CNTN4: variants seen among roughly 807,000 people sequenced by gnomAD.
CNTN4 encodes contactin-4.
CNTN4 carries 77 observed loss-of-function variants against 122.5 expected under a neutral mutation model. The ratio of observed to expected loss-of-function variants is 0.63; its 90% CI spans 0.52 to 0.76. The LOEUF (loss-of-function observed/expected upper bound fraction) is 0.76. CNTN4 is among the 30% of genes least tolerant of loss of function. CNTN4 has a pLI of 0.00. For missense variants in CNTN4, 1,256 were observed against 1,259.1 expected, an observed-to-expected ratio of 1.00 and a Z score of 0.04; for synonymous variants, 512 against 447.0, an observed-to-expected ratio of 1.15 and a Z score of -1.83.
Position 3,026,037 on chromosome 3 carries a change from T to C in CNTN4, c.1487-65T>C. 9 of 1,463,628 alleles carry C rather than the reference T, an allele frequency of 6.1e-6. No individual in the cohort carries two copies. In the South Asian group the frequency reaches 8.1e-5, roughly 13 times the overall value. The allele number at this position is 1,463,628 out of a possible 1,614,324, so 90.7% of individuals were successfully genotyped here. ...TTTCATCCTGCTCTTGGAGTCTACA[T>C]TGTATTTCCACACAAGCTCACAGAC... On this transcript the variant is annotated intron_variant, in intron 14 of 24. Coordinates refer to ENST00000418658, the MANE Select transcript of CNTN4 (RefSeq NM_175607.3).
Position 2,797,466 on chromosome 3 carries a change from TGG to T in CNTN4, c.359-22018_359-22017del, listed in dbSNP as rs1297120028. Among the ~76,000 whole-genome samples the T allele has an allele frequency of 4.6e-5, 7 of 152,188 alleles. No individual in the cohort carries two copies. The East Asian group carries it at 1.4e-3, about 30-fold the overall frequency. On this transcript the variant is annotated intron_variant, in intron 6 of 24. Coordinates refer to ENST00000418658, the MANE Select transcript of CNTN4 (RefSeq NM_175607.3). ...TACAAAGATTAGCCAGGTGTGGTGGTGGGCGCCTGTAATCCCAGCTACTCAGG... is the reference window on the plus strand; with the variant it reads ...TACAAAGATTAGCCAGGTGTGGTGGTGCGCCTGTAATCCCAGCTACTCAGG...
intron 4 of CNTN4, among the ~76,000 whole-genome samples, chr3:2,626,963 T>A (rs555605785): frequency 6.6e-6 from 1 of 152,346 alleles, no homozygotes; most frequent in East Asian, 1.9e-4. Context: ...TCTTAGTATT[T>A]TGTGTGTCCA....
At chr3:2,923,808 T>C (rs898301031) in intron 12 of CNTN4, among the ~76,000 whole-genome samples, 1 of 152,226 alleles carries the variant, frequency 6.6e-6, no homozygotes, top group Non-Finnish European at 1.5e-5. Context: ...TGATAATTAC[T>C]AGGATGGTTA....
intron 4 of CNTN4, among the ~76,000 whole-genome samples, chr3:2,690,272 G>T (rs1482605462): frequency 1.3e-5 from 2 of 152,084 alleles, no homozygotes; most frequent in Non-Finnish European, 2.9e-5. Context: ...CCCCTTTTGG[G>T]TACATGCATC....
chr3:2,477,251 C>T (rs774207089), intron 3 of CNTN4, among the ~76,000 whole-genome samples: 4 of 152,100 alleles, frequency 2.6e-5, no homozygotes, highest in African/African-American at 7.2e-5. Flanking sequence ...AGGATTCAGG[C>T]CAAAACTGAA....
At chr3:2,205,998 G>T (rs1161942050) in intron 2 of CNTN4, among the ~76,000 whole-genome samples, 2 of 152,040 alleles carry the variant, frequency 1.3e-5, no homozygotes, top group African/African-American at 4.8e-5. Flanking sequence ...ACTCGGAAGG[G>T]TATTCCAGTT....
At chr3:2,439,191 T>A (rs1447347768) in intron 3 of CNTN4, among the ~76,000 whole-genome samples, 1 of 152,198 alleles carries the variant, frequency 6.6e-6, no homozygotes, top group African/African-American at 2.4e-5. Context: ...ATTAGATGTT[T>A]CAAAGTGTGG....
chr3:2,164,884 A>C (rs1011400979), intron 2 of CNTN4, among the ~76,000 whole-genome samples: 3 of 152,234 alleles, frequency 2.0e-5, no homozygotes, highest in African/African-American at 7.2e-5. Flanking sequence ...AAAAGGAGGT[A>C]GTAGGAGGAG....
At chr3:2,136,434 T>C (rs1373580797) in intron 2 of CNTN4, among the ~76,000 whole-genome samples, 1 of 152,218 alleles carries the variant, frequency 6.6e-6, no homozygotes, top group Non-Finnish European at 1.5e-5. Flanking sequence ...GTAAGTGATA[T>C]AGCCAACTAA....
intron 3 of CNTN4, among the ~76,000 whole-genome samples, chr3:2,370,893 A>T (rs2045607517): frequency 6.6e-6 from 1 of 152,192 alleles, no homozygotes; most frequent in South Asian, 2.1e-4. Context: ...AGACCCAATC[A>T]ATCTATTGAT....
chr3:2,724,088 A>C (rs999889223), intron 4 of CNTN4, among the ~76,000 whole-genome samples: 12 of 152,194 alleles, frequency 7.9e-5, no homozygotes, highest in Admixed American at 1.3e-4. Context: ...CATAGGGGTT[A>C]TCTTTTGAGG....
At chr3:2,256,485 CA>C (rs1553610302) in intron 2 of CNTN4, among the ~76,000 whole-genome samples, 1 of 152,012 alleles carries the variant, frequency 6.6e-6, no homozygotes, top group South Asian at 2.1e-4. Flanking sequence ...AGAGACACAA[CA>C]AAAAAAGAAA....
At chr3:2,753,512 G>T (rs544345651) in intron 6 of CNTN4, among the ~76,000 whole-genome samples, 1 of 152,308 alleles carries the variant, frequency 6.6e-6, no homozygotes, top group African/African-American at 2.4e-5. Context: ...GAAAATTAAT[G>T]ATGTGAAATA....
intron 6 of CNTN4, among the ~76,000 whole-genome samples, chr3:2,792,705 T>C (rs2092049292): frequency 6.6e-6 from 1 of 152,210 alleles, no homozygotes; most frequent in Non-Finnish European, 1.5e-5. Context: ...TCACTTCTAA[T>C]ATTGAAGGGT....
At chr3:3,033,142 T>TA (rs567983246) in intron 16 of CNTN4, among the ~76,000 whole-genome samples, 81 of 151,898 alleles carry the variant, frequency 5.3e-4, no homozygotes, top group African/African-American at 1.5e-3. Context: ...CAGCATCCAT[T>TA]AAAAAAAATG....
intron 4 of CNTN4, among the ~76,000 whole-genome samples, chr3:2,611,691 T>C (rs1394941540): frequency 6.6e-6 from 1 of 152,054 alleles, no homozygotes; most frequent in Non-Finnish European, 1.5e-5. Context: ...CCTGCAAGTG[T>C]CAATGGAGGC....
rs183919660 is a variant in CNTN4 at position 3,008,420 on chromosome 3, C to G, written c.1487-17682C>G. On this transcript the variant is annotated intron_variant, in intron 14 of 24. Coordinates refer to ENST00000418658, the MANE Select transcript of CNTN4 (RefSeq NM_175607.3). ...TTTTTAAGACTAAATAACAGCAAGC[C>G]AAAGAAAGAGCATTTACACTGAAAA... Among the ~76,000 whole-genome samples the G allele has an allele frequency of 2.3e-3, 352 of 152,186 alleles. 4 individuals are homozygous for G. Among genetic ancestry groups the G allele is most frequent in the African/African-American group, 8.1e-3 (337 of 41,512 alleles).
intron 13 of CNTN4, among the ~76,000 whole-genome samples, chr3:2,953,466 T>C (rs1334358163): frequency 6.6e-6 from 1 of 151,842 alleles, no homozygotes; most frequent in East Asian, 1.9e-4. Flanking sequence ...AGGCCACTTC[T>C]TCTCCATTTG....
intron 3 of CNTN4, among the ~76,000 whole-genome samples, chr3:2,449,224 T>C (rs1273790674): frequency 6.6e-6 from 1 of 152,204 alleles, no homozygotes; most frequent in Non-Finnish European, 1.5e-5. Context: ...GAAAGATAGT[T>C]TCATCAACCA....
Sources: allele counts gnomAD v4.1 joint callset (sites outside exome capture counted in the v4.1 genomes callset), GRCh38; gene constraint gnomAD v4.1.1; transcripts MANE v1.5; gene names NCBI Gene and HGNC (gene_info 2026-07-23, HGNC 2026-07-21).